PKN2: variants seen among roughly 807,000 people sequenced by gnomAD.
PKN2 encodes the protein serine/threonine-protein kinase N2.
In PKN2, 38 loss-of-function variants were observed where a neutral mutation model predicts 119.1. The ratio of observed to expected loss-of-function variants is 0.32; its 90% CI spans 0.25 to 0.42. The LOEUF is 0.42. Ranked by LOEUF, PKN2 falls within the 10% of genes least tolerant of loss-of-function variation. The probability of loss-of-function intolerance (pLI) is 1.00; values close to 1 mark genes in which losing one functional copy is unlikely to be tolerated. For missense variants in PKN2, 850 were observed against 1,165.1 expected, an observed-to-expected ratio of 0.73 and a Z score of 3.94; for synonymous variants, 390 against 384.9, an observed-to-expected ratio of 1.01 and a Z score of -0.15.
intron 6 of PKN2, among the ~76,000 whole-genome samples, chr1:88,778,021 T>C (rs1164233620): frequency 6.6e-6 from 1 of 152,206 alleles, no homozygotes; most frequent in African/African-American, 2.4e-5. Context: ...AAACTCTTTC[T>C]ACCAGTTGCC....
intron 1 of PKN2, 93 bp downstream of exon 1, chr1:88,684,721 C>G: frequency 8.8e-7 from 1 of 1,133,458 alleles, no homozygotes; most frequent in Non-Finnish European, 1.2e-6. Flanking sequence ...CCTGCGGCCG[C>G]CGCGCCCCTA....
At chr1:88,807,046 A>T (rs560126271) in intron 12 of PKN2, among the ~76,000 whole-genome samples, 20 of 152,096 alleles carry the variant, frequency 1.3e-4, no homozygotes, top group Admixed American at 9.2e-4. Flanking sequence ...AGATAAGTTT[A>T]ATATAAAAGC....
intron 16 of PKN2, 35 bp downstream of exon 16, chr1:88,813,768 C>T (rs762791769): frequency 1.5e-5 from 22 of 1,476,242 alleles, no homozygotes; most frequent in Non-Finnish European, 2.0e-5. Flanking sequence ...TGAGTTTTTC[C>T]ATGACTGATT....
intron 2 of PKN2, among the ~76,000 whole-genome samples, chr1:88,743,270 C>T (rs1668645208): frequency 6.6e-6 from 1 of 152,166 alleles, no homozygotes; most frequent in Admixed American, 6.5e-5. Context: ...TGATTTTTAA[C>T]AATTGTGTGT....
At position 88,684,350 on chromosome 1, in the gene PKN2, G is replaced by A; in HGVS notation, c.-231G>A. On this transcript the variant is annotated 5_prime_UTR_variant, in exon 1 of 22. Transcript: ENST00000370521. ...GAGGGAGCGACTAGACGAACAGTCC[G>A]GTGAGGGCGGCGAGAGGAAGCCCGC... 1 of 470,442 alleles carries A rather than the reference G, an allele frequency of 2.1e-6. No homozygotes were observed. Among genetic ancestry groups the A allele is most frequent in the Non-Finnish European group, 3.8e-6 (1 of 264,568 alleles). 29.1% of individuals were successfully genotyped at this position (470,442 alleles called of 1,614,324 possible).
At chr1:88,703,698 T>A (rs1446049984) in intron 1 of PKN2, among the ~76,000 whole-genome samples, 1 of 152,142 alleles carries the variant, frequency 6.6e-6, no homozygotes, top group Non-Finnish European at 1.5e-5. Context: ...AACAACATAA[T>A]GTGGTAAAAA....
chr1:88,805,259 AACCTT>A, intron 10 of PKN2, among the ~76,000 whole-genome samples: 2 of 143,966 alleles, frequency 1.4e-5, no homozygotes, highest in South Asian at 2.1e-4. Flanking sequence ...TTATTTTTAA[AACCTT>A]ACTACTAGAC....
chr1:88,835,072 T>C lies in PKN2; in HGVS notation c.*1624T>C, dbSNP rs1049196932. The C allele has an allele frequency of 6.6e-6, 1 of 152,394 alleles. No homozygotes were observed. The highest frequency in any genetic ancestry group is 1.5e-5 in the Non-Finnish European group (1 of 67,924). 9.4% of individuals were successfully genotyped at this position (152,394 alleles called of 1,614,324 possible). ...TTATGGAGAGTTGAGCTAAAAACAT[T>C]TATAAATATTTGCTGGGATGTTTTA... is the stretch of plus-strand genomic sequence containing the variant. On this transcript the variant is annotated 3_prime_UTR_variant, in exon 22 of 22. Coordinates refer to ENST00000370521, the MANE Select transcript of PKN2 (RefSeq NM_006256.4).
At chr1:88,767,547 C>G (rs1669711263) in intron 3 of PKN2, among the ~76,000 whole-genome samples, 1 of 152,008 alleles carries the variant, frequency 6.6e-6, no homozygotes, top group African/African-American at 2.4e-5. Context: ...CCTATTGCAC[C>G]TAGGCTGTAG....
intron 2 of PKN2, among the ~76,000 whole-genome samples, chr1:88,742,753 A>G (rs1668624751): frequency 6.6e-6 from 1 of 152,148 alleles, no homozygotes; most frequent in African/African-American, 2.4e-5. Context: ...GCGGTCTAAA[A>G]TAAGAAACAG....
chr1:88,689,318 ATTTTTTCTT>A (rs1033450518), intron 1 of PKN2, among the ~76,000 whole-genome samples: 3 of 152,096 alleles, frequency 2.0e-5, no homozygotes, highest in African/African-American at 7.2e-5. Flanking sequence ...TGTAGAGTCC[ATTTTTTCTT>A]TTTTTTCTTT....
At chr1:88,818,901 A>G (rs1672128595) in intron 16 of PKN2, among the ~76,000 whole-genome samples, 1 of 152,164 alleles carries the variant, frequency 6.6e-6, no homozygotes, top group Non-Finnish European at 1.5e-5. Flanking sequence ...TCATCTTTTG[A>G]GAAACCTGAC....
intron 19 of PKN2, among the ~76,000 whole-genome samples, chr1:88,832,037 T>C (rs1672749910): frequency 6.6e-6 from 1 of 151,978 alleles, no homozygotes; most frequent in South Asian, 2.1e-4. Flanking sequence ...AATACTGAGC[T>C]TATGGAAATG....
At chr1:88,743,589 A>G (rs997288939) in intron 2 of PKN2, among the ~76,000 whole-genome samples, 1 of 152,266 alleles carries the variant, frequency 6.6e-6, no homozygotes, top group African/African-American at 2.4e-5. Context: ...GTTGCATTGT[A>G]ATGTATTTCT....
intron 1 of PKN2, among the ~76,000 whole-genome samples, chr1:88,712,383 A>C (rs971104303): frequency 2.6e-5 from 4 of 152,130 alleles, no homozygotes; most frequent in African/African-American, 9.7e-5. Flanking sequence ...TATGCCAAAA[A>C]CTGAATTGTA....
In PKN2 at chr1:88,770,484, T is replaced by G; in HGVS notation, c.622+15T>G. On this transcript the variant is annotated intron_variant, in intron 4 of 21. Transcript: ENST00000370521. ...TTTTGATAATGGTGATGGAATAAAT[T>G]GTCCTCCTTCTTATGAGCATAATGG... is the stretch of plus-strand genomic sequence containing the variant. 1 of 1,329,974 alleles carries G rather than the reference T, an allele frequency of 7.5e-7. No individual in the cohort carries two copies. The highest frequency in any genetic ancestry group is 1.1e-6 in the Non-Finnish European group (1 of 920,620). The allele number at this position is 1,329,974 out of a possible 1,614,324, so 82.4% of individuals were successfully genotyped here.
intron 19 of PKN2, among the ~76,000 whole-genome samples, chr1:88,830,669 G>C (rs927365031): frequency 3.9e-5 from 6 of 152,204 alleles, no homozygotes; most frequent in Non-Finnish European, 7.4e-5. Context: ...CCACTGGAGG[G>C]TTTGGCAGAA....
At chr1:88,767,307 T>C (rs546089852) in intron 3 of PKN2, among the ~76,000 whole-genome samples, 2 of 152,338 alleles carry the variant, frequency 1.3e-5, no homozygotes, top group East Asian at 1.9e-4. Context: ...TGTCCAAGTT[T>C]ATATATAATA....
chr1:88,813,883 A>T lies in PKN2; in HGVS notation c.2279+150A>T, dbSNP rs184890969. ...AGAACTCCTTACTTACTTTTTTGCC[A>T]TATACTTTTTGTATGTATTCTGTTG... is the stretch of plus-strand genomic sequence containing the variant. On this transcript the variant is annotated intron_variant, in intron 16 of 21. Coordinates refer to ENST00000370521, the MANE Select transcript of PKN2 (RefSeq NM_006256.4). The T allele has an allele frequency of 8.5e-4, 508 of 597,852 alleles. No individual in the cohort carries two copies. The African/African-American group carries it at 8.6e-3, about 10-fold the overall frequency. 37.0% of individuals were successfully genotyped at this position (597,852 alleles called of 1,614,324 possible).
Sources: allele counts gnomAD v4.1 joint callset (sites outside exome capture counted in the v4.1 genomes callset), GRCh38; gene constraint gnomAD v4.1.1; transcripts MANE v1.5; gene names NCBI Gene and HGNC (gene_info 2026-07-23, HGNC 2026-07-21).